COL12A1: variants seen among roughly 807,000 people sequenced by gnomAD.
COL12A1 encodes collagen type XII alpha 1 chain, also known as collagen alpha-1(XII) chain.
A neutral mutation model predicts 349.7 loss-of-function variants in COL12A1; 114 were observed. The ratio of observed to expected loss-of-function variants is 0.33; its 90% CI spans 0.28 to 0.38. COL12A1 has a LOEUF of 0.38. Among genes scored for constraint, COL12A1 ranks in the 10% least tolerant of loss-of-function variants. The pLI, the probability that COL12A1 is intolerant of heterozygous loss-of-function variation, is 1.00. For missense variants in COL12A1, 3,284 were observed against 3,756.9 expected, an observed-to-expected ratio of 0.87 and a Z score of 3.29; for synonymous variants, 1,369 against 1,329.0, an observed-to-expected ratio of 1.03 and a Z score of -0.66.
At chr6:75,172,069 A>T (rs1048710252) in intron 13 of COL12A1, among the ~76,000 whole-genome samples, 9 of 152,366 alleles carry the variant, frequency 5.9e-5, no homozygotes, top group South Asian at 2.1e-4. Flanking sequence ...AGAAAACAAT[A>T]GCTTTTAAAA....
chr6:75,084,608 T>C lies in COL12A1; in HGVS notation c.*1939A>G, dbSNP rs993047491. On this transcript the variant is annotated 3_prime_UTR_variant, in exon 66 of 66. Transcript: ENST00000322507. ...TAAAACAAGGAGGTTTAAGGCAATA[T>C]GGAACTGTATCCCGTTGATGCACTA... 3 of 152,884 alleles carry C rather than the reference T, an allele frequency of 2.0e-5. No homozygotes were observed. The highest frequency in any genetic ancestry group is 7.2e-5 in the African/African-American group (3 of 41,462). 9.5% of individuals were successfully genotyped at this position (152,884 alleles called of 1,614,324 possible). A position where few individuals can be genotyped will look rare whatever the true frequency, so the allele number is the denominator to read the frequency against.
In COL12A1 at chr6:75,119,069, T is replaced by C; in HGVS notation, c.7328A>G (p.Lys2443Arg). 1 of 1,613,996 alleles carries C rather than the reference T, an allele frequency of 6.2e-7. No homozygotes were observed. The highest frequency in any genetic ancestry group is 8.5e-7 in the Non-Finnish European group (1 of 1,179,886). Residue 2443 changes from lysine (K) to arginine (R), a missense_variant, in exon 46 of 66, where the codon AAG becomes AGG. By Grantham distance (26) the Lys-to-Arg change is conservative. Coordinates refer to ENST00000322507, the MANE Select transcript of COL12A1 (RefSeq NM_004370.6). ...TDGRSQDEVK[K>R]AALVIQQSGF... The stretch of plus-strand genomic sequence containing the variant: ...TGACTGCTGGATGACCAAAGCCGCC[T>C]TCTTGACCTCATCCTGGGACCGACC...
intron 21 of COL12A1, among the ~76,000 whole-genome samples, chr6:75,149,880 A>C (rs1767394164): frequency 6.6e-6 from 1 of 152,114 alleles, no homozygotes; most frequent in South Asian, 2.1e-4. Context: ...ATCCCACTCA[A>C]AGTTCTCTCC....
Position 75,181,151 on chromosome 6 carries a change from T to G in COL12A1, c.1952A>C (p.Asn651Thr), listed in dbSNP as rs1266935948. ...SEVTSYGFKT[N>T]WSPAGENVFS... ...AACATTTTCTCCAGCTGGAGACCAG[T>G]TGGTTTTGAAACCATAAGAAGTCAC... Residue 651 changes from asparagine to threonine, a missense_variant, in exon 11 of 66, where the codon AAC becomes ACC. By Grantham distance (65) the Asn-to-Thr change is moderately conservative. Transcript: ENST00000322507. 4 of 1,613,908 alleles carry G rather than the reference T, an allele frequency of 2.5e-6. No individual in the cohort carries two copies. In the Admixed American group the frequency reaches 6.7e-5, roughly 27 times the overall value.
intron 2 of COL12A1, 33 bp downstream of exon 2, chr6:75,202,687 T>C (rs1045990539): frequency 6.5e-7 from 1 of 1,542,658 alleles, no homozygotes; most frequent in African/African-American, 1.4e-5. Context: ...AATTTTGCAT[T>C]GTCACTCGGT....
At chr6:75,105,634 A>G (rs931481580) in intron 53 of COL12A1, among the ~76,000 whole-genome samples, 3 of 151,960 alleles carry the variant, frequency 2.0e-5, no homozygotes, top group African/African-American at 7.3e-5. Context: ...CTCTTTCTCC[A>G]TTATCCACAT....
chr6:75,182,393 G>A (rs1287429471), intron 10 of COL12A1, among the ~76,000 whole-genome samples: 1 of 151,094 alleles, frequency 6.6e-6, no homozygotes, highest in Non-Finnish European at 1.5e-5. Flanking sequence ...CCCGGTGTGT[G>A]ATGCCGCCAC....
At position 75,097,130 on chromosome 6, in the gene COL12A1, A is replaced by T. The variant is rs1388336217; in HGVS notation, c.8577+123T>A. 1.3e-5 allele frequency: 8 copies of T among 609,366 alleles called. 1 individual carries two copies. The highest frequency in any genetic ancestry group is 2.2e-5 in the Non-Finnish European group (8 of 356,002). The allele number at this position is 609,366 out of a possible 1,614,324, so 37.7% of individuals were successfully genotyped here. The stretch of plus-strand genomic sequence containing the variant: ...CATTTTGATGTAGGTAAATAAAAAC[A>T]CAGTTCCCTCAATGATATACTCCAC... On this transcript the variant is annotated intron_variant, in intron 59 of 65. Coordinates refer to ENST00000322507, the MANE Select transcript of COL12A1 (RefSeq NM_004370.6).
At chr6:75,166,456 A>G (rs1224132579) in intron 13 of COL12A1, among the ~76,000 whole-genome samples, 8 of 152,220 alleles carry the variant, frequency 5.3e-5, no homozygotes, top group Middle Eastern at 3.2e-3. Context: ...TAGCTGATCA[A>G]AAACGTCTGC....
rs1178998553 is a variant in COL12A1, at chr6:75,138,890, G to T, written c.5029C>A (p.His1677Asn). 6.2e-7 allele frequency: 1 copy of T among 1,614,086 alleles called. No homozygotes were observed. The highest frequency in any genetic ancestry group is 1.7e-5 in the Admixed American group (1 of 60,018). ...TAGAGAGACACATCTGAAGCTCCATGATCCCAAGTCCCTCTGAAACCCTCT... is the reference window on the plus strand; with the variant it reads ...TAGAGAGACACATCTGAAGCTCCATTATCCCAAGTCCCTCTGAAACCCTCT... ...TSEGFRGTWDHGASDVSLYRI... is the reference protein window; with the variant it reads ...TSEGFRGTWDNGASDVSLYRI... Residue 1677 changes from histidine to asparagine, a missense_variant, in exon 28 of 66, where the codon CAT becomes AAT. Around this residue, in one of 2 missense-constraint regions of COL12A1, gnomAD observed 2,601 missense variants for 2,824.8 expected, o/e 0.92. Transcript: ENST00000322507.
intron 58 of COL12A1, among the ~76,000 whole-genome samples, chr6:75,099,113 A>G (rs2149340026): frequency 6.6e-6 from 1 of 152,296 alleles, no homozygotes; most frequent in East Asian, 1.9e-4. Context: ...GACCATTTGG[A>G]GCTCTTCCTG....
chr6:75,183,954 T>G lies in COL12A1; in HGVS notation c.1188A>C (p.Ala396=), dbSNP rs202153313. 4.6e-4 allele frequency: 740 copies of G among 1,614,088 alleles called. 1 individual carries two copies. Among genetic ancestry groups the G allele is most frequent in the Non-Finnish European group, 4.8e-4 (566 of 1,180,036 alleles). The change falls in exon 9 of 66, where the codon GCA becomes GCC. Residue 396 remains alanine, a synonymous_variant. Coordinates refer to ENST00000322507, the MANE Select transcript of COL12A1 (RefSeq NM_004370.6). Reference sequence around the variant, plus strand: ...AAACACTGATCTGGTATTCTGTGTCTGCTGAGAGGTCGCGAACACTGAGCG... The same window carrying G: ...AAACACTGATCTGGTATTCTGTGTCGGCTGAGAGGTCGCGAACACTGAGCG... The part of the protein sequence containing the change: ...TTTLSVRDLS[A]DTEYQISVSA...
chr6:75,188,622 A>G lies in COL12A1; in HGVS notation c.824-87T>C, dbSNP rs1582207085. On this transcript the variant is annotated intron_variant, in intron 7 of 65. Transcript: ENST00000322507. The stretch of plus-strand genomic sequence containing the variant: ...TTCTTCGTTTTCTCCATCTTTCACA[A>G]CTGAAGACATATTCAAATCGTCATT... 6 of 1,393,588 alleles carry G rather than the reference A, an allele frequency of 4.3e-6. No individual in the cohort carries two copies. In the East Asian group the frequency reaches 1.4e-4, roughly 32 times the overall value. 86.3% of individuals were successfully genotyped at this position (1,393,588 alleles called of 1,614,324 possible).
At chr6:75,185,274 T>A in intron 8 of COL12A1, among the ~76,000 whole-genome samples, 1 of 152,194 alleles carries the variant, frequency 6.6e-6, no homozygotes, top group Admixed American at 6.5e-5. Context: ...TAGCAAAGTC[T>A]CAGGATATAA....
At chr6:75,086,632 G>A (rs535547852) in intron 65 of COL12A1, 75 bp from the exon 66 acceptor site, 42 of 933,364 alleles carry the variant, frequency 4.5e-5, no homozygotes, top group East Asian at 3.1e-4. Context: ...ATCCATCTAC[G>A]TATGTAATGG....
intron 13 of COL12A1, among the ~76,000 whole-genome samples, chr6:75,169,338 G>C (rs555400220): frequency 6.6e-6 from 1 of 152,280 alleles, no homozygotes; most frequent in East Asian, 1.9e-4. Context: ...GAAAGAGAGA[G>C]GGAGAAGAAC....
At position 75,167,797 on chromosome 6, in the gene COL12A1, G is replaced by T. The variant is rs77999844; in HGVS notation, c.2711-2018C>A. Among the ~76,000 whole-genome samples the T allele has an allele frequency of 1.9e-3, 290 of 152,274 alleles. 1 individual carries two copies. The East Asian group carries it at 0.025, about 13-fold the overall frequency. ...TAATCAACTATTTTAACACTCTCAA[G>T]ACTTGTAAAGCTAGAACAAAATACT... On this transcript the variant is annotated intron_variant, in intron 13 of 65. Coordinates refer to ENST00000322507, the MANE Select transcript of COL12A1 (RefSeq NM_004370.6).
intron 44 of COL12A1, among the ~76,000 whole-genome samples, chr6:75,120,052 G>A (rs1769278448): frequency 6.6e-6 from 1 of 152,156 alleles, no homozygotes; most frequent in Non-Finnish European, 1.5e-5. Context: ...TCAGTAAAAT[G>A]AGGATAACTA....
At position 75,133,389 on chromosome 6, in the gene COL12A1, G is replaced by A; in HGVS notation, c.5698C>T (p.Leu1900Phe). 1 of 1,612,696 alleles carries A rather than the reference G, an allele frequency of 6.2e-7. No individual in the cohort carries two copies. The highest frequency in any genetic ancestry group is 8.5e-7 in the Non-Finnish European group (1 of 1,179,366). Residue 1900 changes from leucine (L) to phenylalanine (F), a missense_variant, in exon 34 of 66, where the codon CTT (leucine) becomes TTT (phenylalanine). Leu to Phe is a conservative substitution (Grantham distance 22). This residue lies in a region of COL12A1 where 2,601 missense variants were observed against 2,824.8 expected (regional missense o/e 0.92). Coordinates refer to ENST00000322507, the MANE Select transcript of COL12A1 (RefSeq NM_004370.6). ...PIPGNTNYAI[L>F]RNLQPDTSYT... ...GAGGTATCTGGCTGCAGATTCCTAA[G>A]AATGGCATAATTGGTATTCCCGGGG...
Sources: allele counts gnomAD v4.1 joint callset (sites outside exome capture counted in the v4.1 genomes callset), GRCh38; gene constraint gnomAD v4.1.1; regional missense constraint gnomAD v4.1.1; transcripts MANE v1.5; gene names NCBI Gene and HGNC (gene_info 2026-07-23, HGNC 2026-07-21).